IRS2: variants seen among roughly 807,000 people sequenced by gnomAD.
IRS2 encodes the protein insulin receptor substrate 2.
In IRS2, 28 loss-of-function variants were observed where a neutral mutation model predicts 70.9. The observed-to-expected ratio is 0.39, with a 90% CI of 0.29 to 0.54. The LOEUF is 0.54. Among genes scored for constraint, IRS2 ranks in the 20% least tolerant of loss-of-function variants. The pLI is 0.59. For missense variants in IRS2, 2,081 were observed against 2,024.1 expected, an observed-to-expected ratio of 1.03 and a Z score of -0.54; for synonymous variants, 1,217 against 981.9, an observed-to-expected ratio of 1.24 and a Z score of -4.48.
Position 109,783,892 on chromosome 13 carries a change from G to A in IRS2, c.2162C>T (p.Pro721Leu), listed in dbSNP as rs771355031. 8.4e-6 allele frequency: 13 copies of A among 1,547,396 alleles called. No homozygotes were observed. The highest frequency in any genetic ancestry group is 1.1e-5 in the Non-Finnish European group (13 of 1,146,794). Residue 721 changes from proline (P) to leucine (L), a missense_variant, in exon 1 of 2, where the codon CCG becomes CTG. Physicochemically the swap from Pro to Leu is moderately conservative, Grantham distance 98. Around this residue, in one of 4 missense-constraint regions of IRS2, gnomAD observed 1,615 missense variants for 1,459.5 expected, o/e 1.11. Transcript: ENST00000375856. ...GGCCTTGTAGCCGCCCCCGCTCGCC[G>A]GGAATGTCCTGCCCGCCGCAGAGGT... is the stretch of plus-strand genomic sequence containing the variant. ...APTSAAGRTFPASGGGYKASS... is the reference protein window; with the variant it reads ...APTSAAGRTFLASGGGYKASS...
Position 109,754,560 on chromosome 13 carries a change from T to C in IRS2, c.*1744A>G. ...TAATAAAGTATATCATACACTGAAATTGACCTTCCAGCTAACATTATATGG... is the reference window on the plus strand; with the variant it reads ...TAATAAAGTATATCATACACTGAAACTGACCTTCCAGCTAACATTATATGG... On this transcript the variant is annotated 3_prime_UTR_variant, in exon 2 of 2. Transcript: ENST00000375856. The C allele has an allele frequency of 5.0e-6, 1 of 198,798 alleles. No individual in the cohort carries two copies. Among genetic ancestry groups the C allele is most frequent in the East Asian group, 8.0e-5 (1 of 12,550 alleles). 12.3% of individuals were successfully genotyped at this position (198,798 alleles called of 1,614,324 possible).
Position 109,782,230 on chromosome 13 carries a change from A to AGCG in IRS2, c.3821_3823dup (p.Pro1274dup), listed in dbSNP as rs748976814. The AGCG allele has an allele frequency of 1.4e-4, 228 of 1,606,708 alleles. 3 individuals are homozygous for AGCG. In the South Asian group the frequency reaches 1.6e-3, roughly 11 times the overall value. On this transcript the variant is annotated inframe_insertion, in exon 1 of 2. Transcript: ENST00000375856. ...GGAGCTCTTGTCTCCCGGCTGAGGA[A>AGCG]GCGGCGGCGGCGGCGGCTGCGGCTG...
rs766218772 is a variant in IRS2, at chr13:109,785,356, C to G, written c.698G>C (p.Cys233Ser). Residue 233 changes from cysteine (C) to serine (S), a missense_variant, in exon 1 of 2, where the codon TGC (cysteine) becomes TCC (serine). This residue lies in a region of IRS2 where 320 missense variants were observed against 352.9 expected (regional missense o/e 0.91). Transcript: ENST00000375856. This position sits in a 1 kb window ranked among gnomAD's most constrained non-coding sequence, Gnocchi z 9.3. The part of the protein sequence containing the change: ...ARTIGFVKLN[C>S]EQPSVTLQLM... ...CTGCAGCGTCACCGACGGCTGCTCG[C>G]AGTTGAGCTTCACGAAGCCGATGGT... is the stretch of plus-strand genomic sequence containing the variant. 9.9e-6 allele frequency: 16 copies of G among 1,612,152 alleles called. No individual in the cohort carries two copies. The South Asian group carries it at 1.8e-4, about 18-fold the overall frequency.
At chr13:109,769,096 C>T (rs1489692968) in intron 1 of IRS2, among the ~76,000 whole-genome samples, 1 of 152,194 alleles carries the variant, frequency 6.6e-6, no homozygotes, top group East Asian at 1.9e-4. Context: ...TCCCCAACCT[C>T]AATGGTACCT....
chr13:109,756,145 G>A lies in IRS2; in HGVS notation c.*159C>T, dbSNP rs2138908211. 2 of 658,814 alleles carry A rather than the reference G, an allele frequency of 3.0e-6. No homozygotes were observed. Among genetic ancestry groups the A allele is most frequent in the Non-Finnish European group, 2.8e-6 (1 of 360,434 alleles). 40.8% of individuals were successfully genotyped at this position (658,814 alleles called of 1,614,324 possible). A position where few individuals can be genotyped will look rare whatever the true frequency, so the allele number is the denominator to read the frequency against. On this transcript the variant is annotated 3_prime_UTR_variant, in exon 2 of 2. Transcript: ENST00000375856. ...AGAGGCAGGTGACCTTGCCTTGTTG[G>A]TGCCTCATCTAACAGAGTCCACAGA...
chr13:109,784,383 G>C lies in IRS2; in HGVS notation c.1671C>G (p.Arg557=), dbSNP rs1448415663. 6.2e-7 allele frequency: 1 copy of C among 1,610,474 alleles called. No homozygotes were observed. Among genetic ancestry groups the C allele is most frequent in the South Asian group, 1.1e-5 (1 of 91,046 alleles). ...CCTGGGCCGCGTCCCCCGAGACCCGGCGGTAGGAGCGGCCACAGTGGCTCA... is the reference window on the plus strand; with the variant it reads ...CCTGGGCCGCGTCCCCCGAGACCCGCCGGTAGGAGCGGCCACAGTGGCTCA... ...RPLSHCGRSY[R]RVSGDAAQDL... is the part of the protein sequence containing the mutation. Residue 557 remains arginine, a synonymous_variant, in exon 1 of 2, where the codon CGC becomes CGG. Transcript: ENST00000375856. The surrounding 1 kb of genome is among the most constrained non-coding windows in gnomAD (Gnocchi z 5.2).
chr13:109,784,023 G>A lies in IRS2; in HGVS notation c.2031C>T (p.Pro677=). ...GGGCGGACACGCTGGCGGGGCTCAT[G>A]GGCATGTAGTCGTCGCTCCTGCAGC... ...SGSCRSDDYM[P]MSPASVSAPK... The change falls in exon 1 of 2, where the codon CCC becomes CCT. Residue 677 remains proline (P), a synonymous_variant. Transcript: ENST00000375856. This position sits in a 1 kb window ranked among gnomAD's most constrained non-coding sequence, Gnocchi z 5.2. The A allele has an allele frequency of 1.3e-6, 2 of 1,538,672 alleles. No homozygotes were observed. Among genetic ancestry groups the A allele is most frequent in the South Asian group, 2.4e-5 (2 of 84,268 alleles).
rs369411899 is a variant in IRS2 at position 109,782,283 on chromosome 13, G to A, written c.3771C>T (p.Asp1257=). The stretch of plus-strand genomic sequence containing the variant: ...GTGGCAGCCCGGGCTCCTCCCTCAC[G>A]TCGATGGCGATGTAGTTGAGACCAT... The part of the protein sequence containing the change: ...FQNGLNYIAI[D]VREEPGLPPQ... The change falls in exon 1 of 2, where the codon GAC becomes GAT. Residue 1257 remains aspartate, a synonymous_variant. Transcript: ENST00000375856. The A allele has an allele frequency of 3.5e-5, 56 of 1,611,072 alleles. No individual in the cohort carries two copies. Among genetic ancestry groups the A allele is most frequent in the African/African-American group, 8.0e-5 (6 of 74,808 alleles).
At position 109,784,228 on chromosome 13, in the gene IRS2, G is replaced by A. The variant is rs768562587; in HGVS notation, c.1826C>T (p.Ala609Val). ...GGGGCAGGACGGGCAGAGGCGGCCCGCGCTGCCCGAGAAGGTGGCCCGCAT... is the reference window on the plus strand; with the variant it reads ...GGGGCAGGACGGGCAGAGGCGGCCCACGCTGCCCGAGAAGGTGGCCCGCAT... ...TLMRATFSGS[A>V]GRLCPSCPAS... Residue 609 changes from alanine to valine, a missense_variant, in exon 1 of 2, where the codon GCG becomes GTG. This residue lies in a region of IRS2 where 1,615 missense variants were observed against 1,459.5 expected (regional missense o/e 1.11). Coordinates refer to ENST00000375856, the MANE Select transcript of IRS2 (RefSeq NM_003749.3). This position sits in a 1 kb window ranked among gnomAD's most constrained non-coding sequence, Gnocchi z 5.2. The A allele has an allele frequency of 1.3e-6, 2 of 1,571,170 alleles. No individual in the cohort carries two copies. The highest frequency in any genetic ancestry group is 8.6e-7 in the Non-Finnish European group (1 of 1,157,752).
chr13:109,784,117 T>C lies in IRS2; in HGVS notation c.1937A>G (p.Asn646Ser). The C allele has an allele frequency of 6.3e-7, 1 of 1,594,846 alleles. No individual in the cohort carries two copies. Among genetic ancestry groups the C allele is most frequent in the Non-Finnish European group, 8.5e-7 (1 of 1,177,562 alleles). The change falls in exon 1 of 2, where the codon AAC becomes AGC. Residue 646 changes from asparagine to serine, a missense_variant. By Grantham distance (46) the Asn-to-Ser change is conservative. Transcript: ENST00000375856. The surrounding 1 kb of genome is among the most constrained non-coding windows in gnomAD (Gnocchi z 5.2). Reference protein sequence around the residue: ...EIGSHRSSSSNLGADDGYMPM... With the variant: ...EIGSHRSSSSSLGADDGYMPM... The stretch of plus-strand genomic sequence containing the variant: ...CATGTAGCCGTCGTCTGCCCCCAGG[T>C]TGCTGCTGGAGCTCCTGTGGGAGCC...
At chr13:109,781,891 C>G (rs1006561938) in intron 1 of IRS2, 151 bp downstream of exon 1, 11 of 817,936 alleles carry the variant, frequency 1.3e-5, no homozygotes, top group Admixed American at 4.4e-5. Context: ...GAGAACAGGG[C>G]AGCCCGCAGA....
At chr13:109,781,965 A>C in intron 1 of IRS2, 77 bp downstream of exon 1, 1 of 1,518,280 alleles carries the variant, frequency 6.6e-7, no homozygotes, top group South Asian at 1.2e-5. Flanking sequence ...AAAAAGTGGG[A>C]GCAGTGAAAC....
At chr13:109,773,186 TAAAAAAAAAG>T (rs1877496200) in intron 1 of IRS2, among the ~76,000 whole-genome samples, 1 of 149,868 alleles carries the variant, frequency 6.7e-6, no homozygotes, top group Non-Finnish European at 1.5e-5. Flanking sequence ...TCCTGAGAAT[TAAAAAAAAAG>T]AAAAAAACAA....
In IRS2 at chr13:109,784,305, C is replaced by A; in HGVS notation, c.1749G>T (p.Arg583=). 1 of 1,599,764 alleles carries A rather than the reference C, an allele frequency of 6.3e-7. No homozygotes were observed. The part of the protein sequence containing the change: ...KRTYSLTTPA[R]QRPVPQPSSA... ...AGGAGGGCTGGGGCACCGGCCGCTGCCGGGCTGGCGTGGTCAGGGAGTAGG... is the reference window on the plus strand; with the variant it reads ...AGGAGGGCTGGGGCACCGGCCGCTGACGGGCTGGCGTGGTCAGGGAGTAGG... The change falls in exon 1 of 2, where the codon CGG becomes CGT. Residue 583 remains arginine (R), a synonymous_variant. Coordinates refer to ENST00000375856, the MANE Select transcript of IRS2 (RefSeq NM_003749.3). This position sits in a 1 kb window ranked among gnomAD's most constrained non-coding sequence, Gnocchi z 5.2.
At position 109,756,018 on chromosome 13, in the gene IRS2, C is replaced by G. The variant is rs1877099205; in HGVS notation, c.*286G>C. 3 of 470,614 alleles carry G rather than the reference C, an allele frequency of 6.4e-6. No individual in the cohort carries two copies. The highest frequency in any genetic ancestry group is 1.1e-5 in the Non-Finnish European group (3 of 261,358). The allele number at this position is 470,614 out of a possible 1,614,324, so 29.2% of individuals were successfully genotyped here. ...AATTTAAGAAGGCCAATGAAAACAT[C>G]CAATTTTCTTGAGAATAACTTCTTC... is the stretch of plus-strand genomic sequence containing the variant. On this transcript the variant is annotated 3_prime_UTR_variant, in exon 2 of 2. Transcript: ENST00000375856.
intron 1 of IRS2, among the ~76,000 whole-genome samples, chr13:109,761,044 C>T (rs760922836): frequency 6.6e-6 from 1 of 152,254 alleles, no homozygotes; most frequent in Non-Finnish European, 1.5e-5. Context: ...TTTCTCCTGA[C>T]AATTTGGGTT....
At position 109,783,715 on chromosome 13, in the gene IRS2, G is replaced by A. The variant is rs199672355; in HGVS notation, c.2339C>T (p.Pro780Leu). 177 of 1,573,472 alleles carry A rather than the reference G, an allele frequency of 1.1e-4. No individual in the cohort carries two copies. Among genetic ancestry groups the A allele is most frequent in the Admixed American group, 7.9e-4 (43 of 54,546 alleles). Residue 780 changes from proline to leucine, a missense_variant, in exon 1 of 2, where the codon CCG becomes CTG. By Grantham distance (98) the Pro-to-Leu change is moderately conservative. Transcript: ENST00000375856. ...CAGGGCTGCGGAGAAGAAGTCGGGC[G>A]GGGTGCCCGTGGTGACCGCGTCGCT... is the stretch of plus-strand genomic sequence containing the variant. ...SPSDAVTTGT[P>L]PDFFSAALHP...
chr13:109,784,110 C>T lies in IRS2; in HGVS notation c.1944G>A (p.Gly648=). 1.3e-6 allele frequency: 2 copies of T among 1,594,788 alleles called. No homozygotes were observed. Among genetic ancestry groups the T allele is most frequent in the East Asian group, 2.2e-5 (1 of 44,628 alleles). Residue 648 remains glycine (G), a synonymous_variant, in exon 1 of 2, where the codon GGG becomes GGA. Coordinates refer to ENST00000375856, the MANE Select transcript of IRS2 (RefSeq NM_003749.3). The surrounding 1 kb of genome is among the most constrained non-coding windows in gnomAD (Gnocchi z 5.2). ...TCATGGGCATGTAGCCGTCGTCTGC[C>T]CCCAGGTTGCTGCTGGAGCTCCTGT... The part of the protein sequence containing the change: ...GSHRSSSSNL[G]ADDGYMPMTP...
chr13:109,785,411 C>T lies in IRS2; in HGVS notation c.643G>A (p.Gly215Arg). Residue 215 changes from glycine to arginine, a missense_variant, in exon 1 of 2, where the codon GGG becomes AGG. Gly to Arg is a moderately radical substitution (Grantham distance 125, BLOSUM62 -2). Around this residue, in one of 4 missense-constraint regions of IRS2, gnomAD observed 320 missense variants for 352.9 expected, o/e 0.91. Coordinates refer to ENST00000375856, the MANE Select transcript of IRS2 (RefSeq NM_003749.3). The surrounding 1 kb of genome is among the most constrained non-coding windows in gnomAD (Gnocchi z 9.3). ...GCAGACAGGCACAGACGGTACACCCCCGTCAGGTTCTTGCTCTGGCCCAGA... is the reference window on the plus strand; with the variant it reads ...GCAGACAGGCACAGACGGTACACCCTCGTCAGGTTCTTGCTCTGGCCCAGA... Reference protein sequence around the residue: ...KGLGQSKNLTGVYRLCLSART... With the variant: ...KGLGQSKNLTRVYRLCLSART... 6.2e-7 allele frequency: 1 copy of T among 1,612,448 alleles called. No individual in the cohort carries two copies. Among genetic ancestry groups the T allele is most frequent in the Non-Finnish European group, 8.5e-7 (1 of 1,179,902 alleles).
Sources: gnomAD v4.1 joint callset for allele counts (sites outside exome capture counted in the v4.1 genomes callset) on GRCh38, gnomAD v4.1.1 for gene constraint, gnomAD v4.1.1 regional missense constraint, Gnocchi (gnomAD v3.1) non-coding constraint, MANE v1.5 for transcripts, NCBI Gene and HGNC (gene_info 2026-07-23, HGNC 2026-07-21) for gene names.